EBAG9: variants seen among roughly 807,000 people sequenced by gnomAD.
EBAG9 encodes estrogen receptor binding site associated antigen 9.
Under a neutral mutation model 30.9 loss-of-function variants are expected in EBAG9, and 16 were observed. The observed-to-expected ratio is 0.52, with a 90% CI of 0.35 to 0.79. EBAG9 has a LOEUF of 0.79. Ranked by LOEUF, EBAG9 falls within the 30% of genes least tolerant of loss-of-function variation. EBAG9 has a pLI of 0.01. For synonymous variants in EBAG9, 93 were observed against 82.8 expected, an observed-to-expected ratio of 1.12 and a Z score of -0.67; for missense variants, 197 against 242.1, an observed-to-expected ratio of 0.81 and a Z score of 1.24.
chr8:109,560,107 T>A (rs914616878), intron 5 of EBAG9, among the ~76,000 whole-genome samples: 2 of 152,194 alleles, frequency 1.3e-5, no homozygotes, highest in South Asian at 4.1e-4. Flanking sequence ...CCAGTTATTT[T>A]ACACACAGTC....
rs370904520 is a variant in EBAG9, at chr8:109,564,790, T to C, written c.*231T>C. On this transcript the variant is annotated 3_prime_UTR_variant, in exon 7 of 7. Transcript: ENST00000337573. ...TGTTTTCTTCAACATGCTCCAAATA[T>C]AAGACATTTGTTTGCTGTACAGAAA... is the stretch of plus-strand genomic sequence containing the variant. 491 of 405,710 alleles carry C rather than the reference T, an allele frequency of 1.2e-3. 2 individuals are homozygous for C. Among genetic ancestry groups the C allele is most frequent in the African/African-American group, 9.3e-3 (453 of 48,744 alleles). The allele number at this position is 405,710 out of a possible 1,614,324, so 25.1% of individuals were successfully genotyped here.
chr8:109,559,170 A>G (rs1047665311), intron 5 of EBAG9, among the ~76,000 whole-genome samples: 11 of 152,190 alleles, frequency 7.2e-5, no homozygotes, highest in African/African-American at 2.4e-4. Context: ...TTAGTGCTCA[A>G]AGTAGGCCCA....
chr8:109,563,423 GCTCT>G (rs1217031089), intron 6 of EBAG9: 9 of 1,597,324 alleles, frequency 5.6e-6, no homozygotes, highest in Non-Finnish European at 7.6e-6. Flanking sequence ...TGTTTACTCT[GCTCT>G]CTCCTGTTTC....
intron 1 of EBAG9, among the ~76,000 whole-genome samples, chr8:109,543,887 G>A (rs1478179190): frequency 2.6e-5 from 4 of 151,968 alleles, no homozygotes; most frequent in East Asian, 1.9e-4. Context: ...AAAAATTAGC[G>A]GGTGTGGTGG....
intron 6 of EBAG9, 149 bp from the exon 7 acceptor site, chr8:109,564,290 A>T: frequency 2.0e-6 from 2 of 990,622 alleles, no homozygotes; most frequent in Non-Finnish European, 2.9e-6. Context: ...TTTTGAAAAT[A>T]TTTGGAATTT....
At chr8:109,563,550 A>G (rs1236949111) in intron 6 of EBAG9, 9 of 1,583,678 alleles carry the variant, frequency 5.7e-6, no homozygotes, top group East Asian at 2.2e-5. Flanking sequence ...GTATTTCACA[A>G]AGTATGATTA....
intron 5 of EBAG9, among the ~76,000 whole-genome samples, chr8:109,558,477 A>G (rs1821647334): frequency 6.6e-6 from 1 of 152,168 alleles, no homozygotes. Flanking sequence ...TTATTCATAA[A>G]TGTTTGATCC....
At chr8:109,548,887 C>CT (rs548152043) in intron 1 of EBAG9, among the ~76,000 whole-genome samples, 11,383 of 125,076 alleles carry the variant, frequency 0.091, 1,208 homozygotes, top group African/African-American at 0.27. Flanking sequence ...TTTCTTTTTT[C>CT]TTTTTTTTTT....
chr8:109,554,370 A>G (rs185558234), intron 3 of EBAG9, among the ~76,000 whole-genome samples: 1 of 152,306 alleles, frequency 6.6e-6, no homozygotes, highest in Admixed American at 6.5e-5. Flanking sequence ...CCTGTGGAGA[A>G]GCTTGGTATT....
At chr8:109,557,929 A>G in intron 5 of EBAG9, 1 of 263,886 alleles carries the variant, frequency 3.8e-6, no homozygotes, top group South Asian at 3.3e-5. Flanking sequence ...AGTAAGTTAT[A>G]AGACGGTGAG....
intron 1 of EBAG9, among the ~76,000 whole-genome samples, chr8:109,546,397 A>G (rs1336096493): frequency 6.6e-6 from 1 of 152,240 alleles, no homozygotes; most frequent in Non-Finnish European, 1.5e-5. Context: ...TGAAGCCGTA[A>G]GTATATCCAT....
At chr8:109,549,537 T>A (rs1821452173) in intron 1 of EBAG9, among the ~76,000 whole-genome samples, 1 of 152,068 alleles carries the variant, frequency 6.6e-6, no homozygotes, top group Non-Finnish European at 1.5e-5. Flanking sequence ...ACTACAAATA[T>A]AATTTCTTTA....
intron 1 of EBAG9, among the ~76,000 whole-genome samples, chr8:109,550,007 A>G (rs1327454507): frequency 1.3e-5 from 2 of 152,012 alleles, no homozygotes; most frequent in South Asian, 2.1e-4. Context: ...TTCTTATTCA[A>G]TCTAACAATC....
Position 109,554,756 on chromosome 8 carries a change from G to A in EBAG9, c.190G>A (p.Asp64Asn), listed in dbSNP as rs62508147. Reference protein sequence around the residue: ...QTDVEEWTSWDEDAPTSVKIE... With the variant: ...QTDVEEWTSWNEDAPTSVKIE... ...AGATGTTGAAGAGTGGACTTCCTGG[G>A]ATGAAGATGCACCCACCAGTGTAAA... Residue 64 changes from aspartate (D) to asparagine (N), a missense_variant, in exon 4 of 7, where the codon GAT (aspartate) becomes AAT (asparagine). Asp to Asn is a conservative substitution (Grantham distance 23). Coordinates refer to ENST00000337573, the MANE Select transcript of EBAG9 (RefSeq NM_004215.5). 41 of 1,613,340 alleles carry A rather than the reference G, an allele frequency of 2.5e-5. No homozygotes were observed. Among genetic ancestry groups the A allele is most frequent in the South Asian group, 9.9e-5 (9 of 91,018 alleles).
intron 6 of EBAG9, chr8:109,563,591 T>C: frequency 6.6e-7 from 1 of 1,520,588 alleles, no homozygotes; most frequent in Non-Finnish European, 8.8e-7. Context: ...TTTTTTTTTT[T>C]TTAAACTTAA....
intron 2 of EBAG9, among the ~76,000 whole-genome samples, chr8:109,552,000 A>C (rs1434563352): frequency 6.6e-6 from 1 of 152,140 alleles, no homozygotes; most frequent in Non-Finnish European, 1.5e-5. Context: ...TCTGTGGCCT[A>C]AGGGTACTGT....
chr8:109,561,176 T>A (rs1821703586), intron 6 of EBAG9, among the ~76,000 whole-genome samples: 1 of 151,270 alleles, frequency 6.6e-6, no homozygotes, highest in Non-Finnish European at 1.5e-5. Flanking sequence ...AAATGGAGTG[T>A]TATATATACA....
At chr8:109,557,779 C>T (rs755602933) in intron 5 of EBAG9, 80 of 437,276 alleles carry the variant, frequency 1.8e-4, no homozygotes, top group Non-Finnish European at 3.4e-4. Flanking sequence ...TGATTGTGGT[C>T]GAAGGATTCA....
intron 6 of EBAG9, among the ~76,000 whole-genome samples, chr8:109,561,364 G>A (rs1239301199): frequency 1.3e-5 from 2 of 151,836 alleles, no homozygotes; most frequent in Non-Finnish European, 2.9e-5. Flanking sequence ...TAACTTATGT[G>A]ACACTCTACA....
Sources: allele counts gnomAD v4.1 joint callset (sites outside exome capture counted in the v4.1 genomes callset), GRCh38; gene constraint gnomAD v4.1.1; transcripts MANE v1.5; gene names NCBI Gene and HGNC (gene_info 2026-07-23, HGNC 2026-07-21).